ARNT2: variants seen among roughly 807,000 people sequenced by gnomAD.
ARNT2 encodes ARNT protein 2.
ARNT2 carries 36 observed loss-of-function variants against 91.7 expected under a neutral mutation model. The ratio of observed to expected loss-of-function variants is 0.39; its 90% CI spans 0.30 to 0.52. The LOEUF is 0.52. ARNT2 is among the 20% of genes least tolerant of loss of function. ARNT2 has a pLI of 0.72. For synonymous variants in ARNT2, 365 were observed against 347.1 expected (o/e 1.05, Z -0.57); for missense variants, 775 against 939.3 (o/e 0.83, Z 2.29).
intron 5 of ARNT2, among the ~76,000 whole-genome samples, chr15:80,500,991 A>C (rs1897184919): frequency 6.6e-6 from 1 of 152,242 alleles, no homozygotes; most frequent in African/African-American, 2.4e-5. Flanking sequence ...AGGTGGTCAT[A>C]ATTCTTATTC....
chr15:80,524,115 G>T (rs1259265512), intron 8 of ARNT2, among the ~76,000 whole-genome samples: 2 of 152,148 alleles, frequency 1.3e-5, no homozygotes, highest in African/African-American at 4.8e-5. Context: ...AATGAACAGG[G>T]TGCTAAAAAA....
chr15:80,428,087 G>A (rs1015916202), intron 1 of ARNT2, among the ~76,000 whole-genome samples: 30 of 152,298 alleles, frequency 2.0e-4, no homozygotes, highest in Admixed American at 7.2e-4. Context: ...GAACACCACT[G>A]CTCTTTGCAC....
intron 12 of ARNT2, among the ~76,000 whole-genome samples, chr15:80,565,161 G>A (rs1191974233): frequency 6.6e-6 from 1 of 152,102 alleles, no homozygotes; most frequent in African/African-American, 2.4e-5. Flanking sequence ...CTGGACTCAG[G>A]CAATCTGCCT....
At chr15:80,533,592 TGGG>T (rs796902274) in intron 8 of ARNT2, among the ~76,000 whole-genome samples, 4 of 152,264 alleles carry the variant, frequency 2.6e-5, no homozygotes, top group African/African-American at 9.6e-5. Context: ...AAGTGAGACA[TGGG>T]GGAGAAGCCA....
At chr15:80,518,670 A>G (rs1023140037) in intron 8 of ARNT2, among the ~76,000 whole-genome samples, 1 of 151,994 alleles carries the variant, frequency 6.6e-6, no homozygotes, top group African/African-American at 2.4e-5. Flanking sequence ...GGGGAGAGAA[A>G]TTGTTCTGTA....
intron 1 of ARNT2, among the ~76,000 whole-genome samples, chr15:80,446,996 A>T (rs2099295369): frequency 6.6e-6 from 1 of 152,198 alleles, no homozygotes; most frequent in South Asian, 2.1e-4. Context: ...TAACACATGC[A>T]TTGGGAGAAA....
chr15:80,538,557 G>T (rs972087991), intron 8 of ARNT2, among the ~76,000 whole-genome samples: 3 of 152,010 alleles, frequency 2.0e-5, no homozygotes, highest in African/African-American at 7.2e-5. Flanking sequence ...TAAAACCATG[G>T]CCCCACTCCA....
chr15:80,593,629 C>G lies in ARNT2; in HGVS notation c.2085C>G (p.Thr695=). 1 of 1,605,338 alleles carries G rather than the reference C, an allele frequency of 6.2e-7. No individual in the cohort carries two copies. Among genetic ancestry groups the G allele is most frequent in the Non-Finnish European group, 8.5e-7 (1 of 1,174,928 alleles). Residue 695 remains threonine, a synonymous_variant, in exon 19 of 19, where the codon ACC becomes ACG. Coordinates refer to ENST00000303329, the MANE Select transcript of ARNT2 (RefSeq NM_014862.4). The stretch of plus-strand genomic sequence containing the variant: ...TGCTGCCCATGCCAGGAGATCCAAC[C>G]CAGGGGACTGGCAACTATAACATCG... The part of the protein sequence containing the change: ...QDMLPMPGDP[T]QGTGNYNIED...
chr15:80,441,505 T>C (rs560158967), intron 1 of ARNT2: 1 of 604,186 alleles, frequency 1.7e-6, no homozygotes. Flanking sequence ...GGAAAGAGCC[T>C]TTTGGTTTTT....
At chr15:80,437,922 T>C (rs1282724732) in intron 1 of ARNT2, among the ~76,000 whole-genome samples, 1 of 141,562 alleles carries the variant, frequency 7.1e-6, no homozygotes, top group Non-Finnish European at 1.5e-5. Context: ...TGTATTTACC[T>C]ACACACACAC....
rs527875557 is a variant in ARNT2 at position 80,505,968 on chromosome 15, C to T, written c.623-2188C>T. On this transcript the variant is annotated intron_variant, in intron 5 of 18. Transcript: ENST00000303329. ...TTTTTGAGACGGAGTCTTGCTCTGT[C>T]GCCCAGGCCGTACTGCGGACCGCAG... Among the ~76,000 whole-genome samples, 26 of 119,600 alleles carry T rather than the reference C, an allele frequency of 2.2e-4. No homozygotes were observed. The East Asian group carries it at 2.3e-3, about 11-fold the overall frequency. The allele number at this position is 119,600 out of a possible 152,430, so 78.5% of individuals were successfully genotyped here.
chr15:80,479,237 C>T (rs372246463), intron 5 of ARNT2, among the ~76,000 whole-genome samples: 7 of 152,198 alleles, frequency 4.6e-5, no homozygotes, highest in African/African-American at 1.7e-4. Context: ...AATCAATATG[C>T]TGTCAAAGAG....
chr15:80,506,077 C>G (rs1012686404), intron 5 of ARNT2, among the ~76,000 whole-genome samples: 1 of 152,032 alleles, frequency 6.6e-6, no homozygotes, highest in Non-Finnish European at 1.5e-5. Flanking sequence ...GCTGGGACTA[C>G]AGGTGCCCGC....
intron 5 of ARNT2, among the ~76,000 whole-genome samples, chr15:80,492,357 G>C (rs1413870853): frequency 6.6e-6 from 1 of 152,086 alleles, no homozygotes; most frequent in African/African-American, 2.4e-5. Flanking sequence ...GATTACTACA[G>C]CTTTATCATC....
intron 8 of ARNT2, among the ~76,000 whole-genome samples, chr15:80,528,119 A>G (rs1595999341): frequency 6.6e-6 from 1 of 152,250 alleles, no homozygotes; most frequent in Non-Finnish European, 1.5e-5. Context: ...AGCCGTGCAC[A>G]TGGGGAGGGG....
At chr15:80,422,533 C>G (rs910741380) in intron 1 of ARNT2, among the ~76,000 whole-genome samples, 1 of 152,108 alleles carries the variant, frequency 6.6e-6, no homozygotes, top group Non-Finnish European at 1.5e-5. Flanking sequence ...GATTTGAGAC[C>G]TCACTAAAGG....
chr15:80,447,385 A>G (rs996575709), intron 1 of ARNT2, among the ~76,000 whole-genome samples: 4 of 152,178 alleles, frequency 2.6e-5, no homozygotes, highest in Admixed American at 6.5e-5. Context: ...GAGGTATCCA[A>G]AGTGTGATTT....
rs764886566 is a variant in ARNT2, at chr15:80,450,948, A to G, written c.100A>G (p.Arg34Gly). Residue 34 changes from arginine to glycine, a missense_variant, in exon 2 of 19, where the codon AGG (arginine) becomes GGG (glycine). By Grantham distance (125) the Arg-to-Gly change is moderately radical. Transcript: ENST00000303329. ...VAPMAATGQV[R>G]MAGAMPARGG... Reference sequence around the variant, plus strand: ...CCCCATGGCGGCCACCGGACAGGTGAGGATGGCGGGGGCCATGCCTGCCCG... The same window carrying G: ...CCCCATGGCGGCCACCGGACAGGTGGGGATGGCGGGGGCCATGCCTGCCCG... The G allele has an allele frequency of 2.8e-5, 45 of 1,614,078 alleles. No individual in the cohort carries two copies. The highest frequency in any genetic ancestry group is 2.2e-5 in the Non-Finnish European group (26 of 1,180,048).
intron 17 of ARNT2, among the ~76,000 whole-genome samples, chr15:80,583,780 A>G (rs971111162): frequency 3.9e-5 from 6 of 152,210 alleles, no homozygotes; most frequent in Admixed American, 3.9e-4. Flanking sequence ...TGGGCAGTAC[A>G]TCTGAGACTG....
Sources: gnomAD v4.1 joint callset for allele counts (sites outside exome capture counted in the v4.1 genomes callset) on GRCh38, gnomAD v4.1.1 for gene constraint, MANE v1.5 for transcripts, NCBI Gene and HGNC (gene_info 2026-07-23, HGNC 2026-07-21) for gene names.